The following GUSB variants were observed in gnomAD, a reference collection of about 807,000 sequenced individuals.
GUSB encodes the protein glucuronidase beta, also known as beta-glucuronidase.
In GUSB, 51 loss-of-function variants were observed where a neutral mutation model predicts 74.6. That is an observed-to-expected ratio of 0.68 (90% confidence interval 0.55 to 0.86). GUSB has a LOEUF of 0.86. Ranked by LOEUF, GUSB falls within the 40% of genes least tolerant of loss-of-function variation. The probability of loss-of-function intolerance (pLI) is 0.00; values close to 1 mark genes in which losing one functional copy is unlikely to be tolerated. For synonymous variants in GUSB, 360 were observed against 348.3 expected (o/e 1.03, Z -0.37); for missense variants, 736 against 853.7 (o/e 0.86, Z 1.72).
chr7:65,972,831 G>T (rs1279420632), intron 8 of GUSB, among the ~76,000 whole-genome samples: 1 of 152,120 alleles, frequency 6.6e-6, no homozygotes, highest in African/African-American at 2.4e-5. Context: ...GCACACCCCT[G>T]TGCCCCCAAG....
At chr7:65,976,256 C>T (rs1210632219) in intron 4 of GUSB, 54 bp from the exon 5 acceptor site, 1 of 1,280,616 alleles carries the variant, frequency 7.8e-7, no homozygotes, top group Non-Finnish European at 1.1e-6. Context: ...CTGAGTCACA[C>T]AAACAGGAGC....
rs888937624 is a variant in GUSB, at chr7:65,981,330, C to T, written c.210+644G>A. Reference sequence around the variant, plus strand: ...TCACTGCAACCTCTACTCCCGGGTTCAAGCAATTCTCCTGACTCAGCCTCC... The same window carrying T: ...TCACTGCAACCTCTACTCCCGGGTTTAAGCAATTCTCCTGACTCAGCCTCC... On this transcript the variant is annotated intron_variant, in intron 1 of 11. Coordinates refer to ENST00000304895, the MANE Select transcript of GUSB (RefSeq NM_000181.4). Among the ~76,000 whole-genome samples, 10 of 149,166 alleles carry T rather than the reference C, an allele frequency of 6.7e-5. No homozygotes were observed. In the Admixed American group the frequency reaches 6.8e-4, roughly 10 times the overall value.
At chr7:65,968,385 C>A (rs1455963831) in intron 9 of GUSB, among the ~76,000 whole-genome samples, 1 of 152,174 alleles carries the variant, frequency 6.6e-6, no homozygotes, top group East Asian at 1.9e-4. Context: ...GGACTCCACA[C>A]TGACACTCAT....
intron 4 of GUSB, among the ~76,000 whole-genome samples, chr7:65,976,692 G>A (rs908293058): frequency 6.6e-6 from 1 of 151,784 alleles, no homozygotes; most frequent in Admixed American, 6.6e-5. Flanking sequence ...AACACTTGAG[G>A]AGGCTGGGGT....
chr7:65,975,348 A>G, intron 5 of GUSB: 1 of 488,454 alleles, frequency 2.0e-6, no homozygotes, highest in Non-Finnish European at 3.8e-6. Flanking sequence ...GGAGTTGAAG[A>G]CCAGCCTGCT....
At chr7:65,964,114 C>A (rs577945597) in intron 11 of GUSB, 2 of 597,816 alleles carry the variant, frequency 3.3e-6, no homozygotes, top group Non-Finnish European at 6.1e-6. Context: ...GCTTTTTGAC[C>A]GTATTTGGGA....
intron 11 of GUSB, 154 bp downstream of exon 11, chr7:65,964,169 T>C: frequency 1.3e-6 from 1 of 787,088 alleles, no homozygotes; most frequent in East Asian, 2.6e-5. Flanking sequence ...ACAACTTACT[T>C]TTCCTAGAAA....
chr7:65,977,483 A>T lies in GUSB; in HGVS notation c.725-1281T>A, dbSNP rs547111103. Among the ~76,000 whole-genome samples the T allele has an allele frequency of 7.2e-5, 11 of 152,092 alleles. No homozygotes were observed. The South Asian group carries it at 2.3e-3, about 32-fold the overall frequency. On this transcript the variant is annotated intron_variant, in intron 4 of 11. Coordinates refer to ENST00000304895, the MANE Select transcript of GUSB (RefSeq NM_000181.4). Reference sequence around the variant, plus strand: ...TCCAAAATACCTTTCCTTGGCAATAAATTGCTCTATGGTGCATTGTCTTTG... The same window carrying T: ...TCCAAAATACCTTTCCTTGGCAATATATTGCTCTATGGTGCATTGTCTTTG...
Sources: allele counts gnomAD v4.1 joint callset (sites outside exome capture counted in the v4.1 genomes callset), GRCh38; gene constraint gnomAD v4.1.1; transcripts MANE v1.5; gene names NCBI Gene and HGNC (gene_info 2026-07-23, HGNC 2026-07-21).